Variants in GALNT1 observed in about 807,000 individuals in gnomAD.
The protein encoded by GALNT1 is polypeptide N-acetylgalactosaminyltransferase 1, also known as GalNAc transferase 1.
Under a neutral mutation model 65.7 loss-of-function variants are expected in GALNT1, and 17 were observed. The ratio of observed to expected loss-of-function variants is 0.26; its 90% CI spans 0.18 to 0.39. The LOEUF is 0.39. GALNT1 is among the 10% of genes least tolerant of loss of function. The probability of loss-of-function intolerance (pLI) is 1.00; values close to 1 mark genes in which losing one functional copy is unlikely to be tolerated. For missense variants in GALNT1, 460 were observed against 672.8 expected (o/e 0.68, Z 3.50); for synonymous variants, 210 against 219.7 (o/e 0.96, Z 0.39).
intron 9 of GALNT1, among the ~76,000 whole-genome samples, chr18:35,694,481 G>A (rs2048021479): frequency 6.6e-6 from 1 of 152,190 alleles, no homozygotes; most frequent in South Asian, 2.1e-4. Flanking sequence ...TGGTGTGAAT[G>A]TAAAATGGTA....
At chr18:35,669,873 G>A (rs565363932) in intron 3 of GALNT1, among the ~76,000 whole-genome samples, 12 of 152,210 alleles carry the variant, frequency 7.9e-5, no homozygotes, top group South Asian at 2.1e-4. Context: ...TATGAGGACT[G>A]GAAGAGAGGA....
rs759071841 is a variant in GALNT1 at position 35,683,497 on chromosome 18, A to C, written c.588A>C (p.Gly196=). 1.5e-5 allele frequency: 25 copies of C among 1,613,874 alleles called. No homozygotes were observed. Among genetic ancestry groups the C allele is most frequent in the Non-Finnish European group, 2.1e-5 (25 of 1,179,872 alleles). Residue 196 remains glycine (G), a synonymous_variant, in exon 5 of 12, where the codon GGA becomes GGC. Transcript: ENST00000269195. ...RSGLIRARLK[G]AAVSKGQVIT... is the part of the protein sequence containing the mutation. ...GATTGATCAGAGCTAGATTAAAAGG[A>C]GCTGCTGTGTCTAAAGGCCAAGTGA...
At chr18:35,682,954 A>AACAAG (rs1346231071) in intron 4 of GALNT1, among the ~76,000 whole-genome samples, 3 of 150,752 alleles carry the variant, frequency 2.0e-5, no homozygotes, top group African/African-American at 7.3e-5. Flanking sequence ...CATGGTAATC[A>AACAAG]ACAAGACAAT....
At chr18:35,697,868 C>T (rs16967023) in intron 9 of GALNT1, among the ~76,000 whole-genome samples, 1,722 of 152,214 alleles carry the variant, frequency 0.011, 34 homozygotes, top group African/African-American at 0.038. Context: ...TGCCTGGCCA[C>T]GTAAGGAAAG....
chr18:35,654,637 A>G lies in GALNT1; in HGVS notation c.-26A>G, dbSNP rs549912499. The G allele has an allele frequency of 1.6e-6, 2 of 1,286,402 alleles. No homozygotes were observed. Among genetic ancestry groups the G allele is most frequent in the Non-Finnish European group, 2.0e-6 (2 of 999,006 alleles). 79.7% of individuals were successfully genotyped at this position (1,286,402 alleles called of 1,614,324 possible). ...TGTATATTTATATATATATATTTTT[A>G]AATTTTGCATTTGACTTAAAGTGCC... is the stretch of plus-strand genomic sequence containing the variant. On this transcript the variant is annotated 5_prime_UTR_variant, in exon 2 of 12. The change abolishes the stop of an existing upstream ORF in the 5' untranslated region. Coordinates refer to ENST00000269195, the MANE Select transcript of GALNT1 (RefSeq NM_020474.4).
intron 9 of GALNT1, among the ~76,000 whole-genome samples, chr18:35,702,038 A>G (rs534714644): frequency 1.3e-5 from 2 of 152,310 alleles, no homozygotes; most frequent in East Asian, 1.9e-4. Context: ...GGTAACTTGT[A>G]TTTAAACCTG....
chr18:35,684,448 CAAAAG>C (rs1268784197), intron 5 of GALNT1, among the ~76,000 whole-genome samples: 10 of 152,142 alleles, frequency 6.6e-5, no homozygotes, highest in African/African-American at 2.4e-4. Flanking sequence ...CCTGAAGAAT[CAAAAG>C]AATAGGATAT....
intron 3 of GALNT1, chr18:35,664,152 C>T: frequency 3.9e-6 from 1 of 259,580 alleles, no homozygotes; most frequent in South Asian, 4.4e-5. Flanking sequence ...GTATACAGCT[C>T]ACTGAATTTT....
At chr18:35,587,989 C>G (rs1423514057) in intron 1 of GALNT1, among the ~76,000 whole-genome samples, 3 of 152,046 alleles carry the variant, frequency 2.0e-5, no homozygotes, top group African/African-American at 7.2e-5. Context: ...TAGTTTGATT[C>G]CATTTTGGTT....
At chr18:35,708,987 T>C (rs1361300791) in intron 11 of GALNT1, among the ~76,000 whole-genome samples, 1 of 152,244 alleles carries the variant, frequency 6.6e-6, no homozygotes, top group Non-Finnish European at 1.5e-5. Flanking sequence ...CCTGTGCTTT[T>C]CTTTCTGTAC....
In GALNT1 at chr18:35,692,183, G is replaced by C. The variant is rs2047975965; in HGVS notation, c.1162G>C (p.Val388Leu). 1 of 1,605,214 alleles carries C rather than the reference G, an allele frequency of 6.2e-7. No homozygotes were observed. Among genetic ancestry groups the C allele is most frequent in the Admixed American group, 1.7e-5 (1 of 58,000 alleles). The change falls in exon 9 of 12, where the codon GTT becomes CTT. Residue 388 changes from valine (V) to leucine (L), a missense_variant and splice_region_variant. Transcript: ENST00000269195. ...GAGTCAATTATTTCTTTCAACAGGTGTTACAAAGGTAGATTATGGAGATAT... is the reference window on the plus strand; with the variant it reads ...GAGTCAATTATTTCTTTCAACAGGTCTTACAAAGGTAGATTATGGAGATAT... ...KNFFYIISPG[V>L]TKVDYGDISS...
rs118005390 is a variant in GALNT1, at chr18:35,644,334, C to G, written c.-103-10226C>G. 8.9e-3 allele frequency among the ~76,000 whole-genome samples: 1,348 copies of G among 152,258 alleles called. 21 individuals are homozygous for G. The highest frequency in any genetic ancestry group is 0.046 in the East Asian group (239 of 5,178). Reference sequence around the variant, plus strand: ...TCTTTGGCTATCGAATAAGGCTTCTCAGTGCTAAATTTCGATCAGTAACCA... The same window carrying G: ...TCTTTGGCTATCGAATAAGGCTTCTGAGTGCTAAATTTCGATCAGTAACCA... On this transcript the variant is annotated intron_variant, in intron 1 of 11. Coordinates refer to ENST00000269195, the MANE Select transcript of GALNT1 (RefSeq NM_020474.4).
intron 3 of GALNT1, 46 bp downstream of exon 3, chr18:35,663,848 T>C (rs755702393): frequency 2.6e-6 from 4 of 1,565,082 alleles, no homozygotes; most frequent in Non-Finnish European, 3.5e-6. Flanking sequence ...GAAAAGTATA[T>C]TCTGAATTTT....
At chr18:35,649,147 A>G (rs772423558) in intron 1 of GALNT1, among the ~76,000 whole-genome samples, 1 of 152,242 alleles carries the variant, frequency 6.6e-6, no homozygotes, top group African/African-American at 2.4e-5. Context: ...CCTGTTTTCC[A>G]GAGAGGCTGT....
chr18:35,597,659 G>C (rs2046522146), intron 1 of GALNT1: 1 of 152,426 alleles, frequency 6.6e-6, no homozygotes, highest in African/African-American at 2.4e-5. Flanking sequence ...CAAGCAATCT[G>C]GGCTACCTTG....
chr18:35,671,784 T>C (rs1323212147), intron 3 of GALNT1, among the ~76,000 whole-genome samples: 1 of 152,236 alleles, frequency 6.6e-6, no homozygotes, highest in Non-Finnish European at 1.5e-5. Flanking sequence ...ATTGTAATTG[T>C]CAAGGTGTAG....
chr18:35,588,478 T>G (rs912075059), intron 1 of GALNT1, among the ~76,000 whole-genome samples: 1 of 152,192 alleles, frequency 6.6e-6, no homozygotes, highest in African/African-American at 2.4e-5. Flanking sequence ...TTATGTCACT[T>G]GCCAAATTTA....
At chr18:35,598,465 C>T (rs530489870) in intron 1 of GALNT1, among the ~76,000 whole-genome samples, 16 of 152,208 alleles carry the variant, frequency 1.1e-4, no homozygotes, top group Admixed American at 7.2e-4. Context: ...TTCTCACATA[C>T]GAGTGAGAAC....
At chr18:35,631,828 C>T (rs1162825884) in intron 1 of GALNT1, among the ~76,000 whole-genome samples, 2 of 152,194 alleles carry the variant, frequency 1.3e-5, no homozygotes, top group Non-Finnish European at 2.9e-5. Flanking sequence ...AGCCCAAAAT[C>T]TCCTTAAGCT....
Sources: gnomAD v4.1 joint callset for allele counts (sites outside exome capture counted in the v4.1 genomes callset) on GRCh38, gnomAD v4.1.1 for gene constraint, MANE v1.5 for transcripts, NCBI Gene and HGNC (gene_info 2026-07-23, HGNC 2026-07-21) for gene names.